Variants in KARS1 observed in about 807,000 individuals in gnomAD.
KARS1 encodes lysine--tRNA ligase.
Under a neutral mutation model 63.9 loss-of-function variants are expected in KARS1, and 50 were observed. The ratio of observed to expected loss-of-function variants is 0.78; its 90% CI spans 0.62 to 0.99. KARS1 has a LOEUF of 0.99. Among genes scored for constraint, KARS1 ranks in the 50% least tolerant of loss-of-function variants. KARS1 has a pLI of 0.00. For synonymous variants in KARS1, 320 were observed against 264.6 expected (o/e 1.21, Z -2.03); for missense variants, 816 against 754.5 (o/e 1.08, Z -0.95).
chr16:75,641,727 T>C lies in KARS1; in HGVS notation c.63-4A>G, dbSNP rs746115202. The C allele has an allele frequency of 6.2e-6, 10 of 1,613,642 alleles. No individual in the cohort carries two copies. Among genetic ancestry groups the C allele is most frequent in the East Asian group, 2.2e-5 (1 of 44,876 alleles). ...TTTCAGGCGTCTCTTCAGCTCACTG[T>C]TGGAAAGATGAAAGCGTTCAATGTG... On this transcript the variant is annotated splice_polypyrimidine_tract_variant and splice_region_variant and intron_variant, in intron 1 of 13. Transcript: ENST00000302445.
At chr16:75,628,084 C>T in intron 13 of KARS1, 91 bp from the exon 14 acceptor site, 1 of 806,326 alleles carries the variant, frequency 1.2e-6, no homozygotes, top group Admixed American at 1.7e-5. Flanking sequence ...TCTGTTGTTA[C>T]CACCAAAATC....
intron 1 of KARS1, among the ~76,000 whole-genome samples, chr16:75,645,115 T>TG (rs1041532222): frequency 2.6e-4 from 39 of 152,334 alleles, no homozygotes; most frequent in African/African-American, 8.4e-4. Context: ...CTTTTAAACT[T>TG]GGAGTCAATA....
intron 13 of KARS1, among the ~76,000 whole-genome samples, 153 bp from the exon 14 acceptor site, chr16:75,628,146 C>T (rs1002264554): frequency 3.3e-5 from 5 of 152,238 alleles, no homozygotes; most frequent in African/African-American, 1.2e-4. Context: ...TTTATTTCAA[C>T]TCAGACCCTC....
At chr16:75,642,554 C>T (rs1035142483) in intron 1 of KARS1, among the ~76,000 whole-genome samples, 21 of 152,088 alleles carry the variant, frequency 1.4e-4, no homozygotes, top group African/African-American at 4.6e-4. Context: ...CTGCTACCCC[C>T]TCTCTCTATC....
chr16:75,638,323 C>T (rs567657304), intron 3 of KARS1, among the ~76,000 whole-genome samples: 1 of 151,736 alleles, frequency 6.6e-6, no homozygotes, highest in Non-Finnish European at 1.5e-5. Context: ...ACCTATCAAC[C>T]TGTCATCTAG....
rs746483110 is a variant in KARS1, at chr16:75,628,576, T to G, written c.1688A>C (p.Asn563Thr). 6.2e-7 allele frequency: 1 copy of G among 1,613,840 alleles called. No individual in the cohort carries two copies. The highest frequency in any genetic ancestry group is 8.5e-7 in the Non-Finnish European group (1 of 1,179,974). ...RVAMFLTDSN[N>T]IKEVLLFPAM... is the part of the protein sequence containing the mutation. ...TGGAGGGTTGCTACGTACCTTGATG[T>G]TGTTGGAGTCCGTGAGAAACATGGC... Residue 563 changes from asparagine (N) to threonine (T), a missense_variant, in exon 13 of 14, where the codon AAC (asparagine) becomes ACC (threonine). Coordinates refer to ENST00000302445, the MANE Select transcript of KARS1 (RefSeq NM_005548.3).
intron 3 of KARS1, among the ~76,000 whole-genome samples, chr16:75,638,869 TTAAAA>T (rs1268131153): frequency 6.6e-6 from 1 of 151,892 alleles, no homozygotes; most frequent in Non-Finnish European, 1.5e-5. Flanking sequence ...AAACAAACAA[TTAAAA>T]TAAAAAAGAT....
chr16:75,634,159 C>G lies in KARS1; in HGVS notation c.915+14G>C, dbSNP rs753337428. 3.1e-6 allele frequency: 5 copies of G among 1,613,246 alleles called. No homozygotes were observed. The South Asian group carries it at 4.4e-5, about 14-fold the overall frequency. On this transcript the variant is annotated intron_variant, in intron 7 of 13. Transcript: ENST00000302445. ...TGCTTCTTTAAGGGAAAAGGGTGTA[C>G]TATTACTGACTACCTTATGATAGAG... is the stretch of plus-strand genomic sequence containing the variant.
chr16:75,647,124 C>G (rs891041634), intron 1 of KARS1, among the ~76,000 whole-genome samples: 2 of 152,186 alleles, frequency 1.3e-5, no homozygotes, highest in African/African-American at 4.8e-5. Flanking sequence ...CCTTTTAATA[C>G]ATAACGTTCA....
intron 2 of KARS1, 81 bp downstream of exon 2, chr16:75,641,483 T>C (rs893783737): frequency 1.1e-4 from 138 of 1,245,686 alleles, no homozygotes; most frequent in Non-Finnish European, 1.5e-4. Flanking sequence ...TCCCTCCTAC[T>C]GTCCAGTCCC....
intron 3 of KARS1, 157 bp downstream of exon 3, chr16:75,640,027 C>T: frequency 2.9e-6 from 2 of 681,064 alleles, no homozygotes; most frequent in Non-Finnish European, 5.3e-6. Flanking sequence ...GGCTGCTCTG[C>T]TTCTTTCTGT....
In KARS1 at chr16:75,641,598, C is replaced by T. The variant is rs2082224630; in HGVS notation, c.188G>A (p.Gly63Asp). 1.2e-6 allele frequency: 2 copies of T among 1,613,946 alleles called. No individual in the cohort carries two copies. Among genetic ancestry groups the T allele is most frequent in the African/African-American group, 1.3e-5 (1 of 74,928 alleles). Reference sequence around the variant, plus strand: ...CACGCTCTCTTCCTCAGGACCCACACCATTATCAGTGGTGTGGTTGGTGGC... The same window carrying T: ...CACGCTCTCTTCCTCAGGACCCACATCATTATCAGTGGTGTGGTTGGTGGC... Reference protein sequence around the residue: ...AAATNHTTDNGVGPEEESVDP... With the variant: ...AAATNHTTDNDVGPEEESVDP... The change falls in exon 2 of 14, where the codon GGT becomes GAT. Residue 63 changes from glycine (G) to aspartate (D), a missense_variant. Gly to Asp is a moderately conservative substitution (Grantham distance 94, BLOSUM62 -1). Coordinates refer to ENST00000302445, the MANE Select transcript of KARS1 (RefSeq NM_005548.3).
intron 1 of KARS1, among the ~76,000 whole-genome samples, chr16:75,643,250 G>A (rs1180290232): frequency 6.6e-6 from 1 of 152,112 alleles, no homozygotes; most frequent in Non-Finnish European, 1.5e-5. Context: ...CAAATATTCT[G>A]CAATAGTGAA....
intron 12 of KARS1, 68 bp from the exon 13 acceptor site, chr16:75,628,780 T>A: frequency 1.3e-6 from 2 of 1,553,412 alleles, no homozygotes; most frequent in East Asian, 2.2e-5. Context: ...GTGAACATGT[T>A]ACCAGGCTCC....
intron 1 of KARS1, among the ~76,000 whole-genome samples, chr16:75,645,584 C>T (rs1455065587): frequency 2.6e-5 from 4 of 152,148 alleles, no homozygotes; most frequent in Non-Finnish European, 4.4e-5. Flanking sequence ...TGGTGGCTCA[C>T]GCCTATAATC....
chr16:75,640,559 G>A (rs1391960066), intron 2 of KARS1, among the ~76,000 whole-genome samples: 1 of 152,178 alleles, frequency 6.6e-6, no homozygotes, highest in Non-Finnish European at 1.5e-5. Context: ...CAAAATGCAA[G>A]AGTCAACAAA....
chr16:75,628,370 C>T (rs1029133872), intron 13 of KARS1, among the ~76,000 whole-genome samples, 199 bp downstream of exon 13: 4 of 152,032 alleles, frequency 2.6e-5, no homozygotes, highest in Non-Finnish European at 5.9e-5. Flanking sequence ...AGTATTCCTT[C>T]TGCCCCTGGT....
chr16:75,636,487 T>C lies in KARS1; in HGVS notation c.449A>G (p.Glu150Gly). 1 of 1,613,414 alleles carries C rather than the reference T, an allele frequency of 6.2e-7. No homozygotes were observed. Among genetic ancestry groups the C allele is most frequent in the Non-Finnish European group, 8.5e-7 (1 of 1,179,474 alleles). ...GKLIFYDLRG[E>G]GVKLQVMANS... is the part of the protein sequence containing the mutation. Reference sequence around the variant, plus strand: ...GGCCATGACTTGCAACTTCACCCCCTCTCCTCGAAGATCATAGAAGATGAG... The same window carrying C: ...GGCCATGACTTGCAACTTCACCCCCCCTCCTCGAAGATCATAGAAGATGAG... The change falls in exon 4 of 14, where the codon GAG (glutamate) becomes GGG (glycine). Residue 150 changes from glutamate to glycine, a missense_variant. Glu to Gly is a moderately conservative substitution (Grantham distance 98). Coordinates refer to ENST00000302445, the MANE Select transcript of KARS1 (RefSeq NM_005548.3).
intron 1 of KARS1, 58 bp downstream of exon 1, chr16:75,647,520 G>A: frequency 1.3e-6 from 2 of 1,525,128 alleles, no homozygotes; most frequent in Non-Finnish European, 1.8e-6. Context: ...ACCTCGCGGC[G>A]CTTCCCAGCC....
Sources: allele counts gnomAD v4.1 joint callset (sites outside exome capture counted in the v4.1 genomes callset), GRCh38; gene constraint gnomAD v4.1.1; transcripts MANE v1.5; gene names NCBI Gene and HGNC (gene_info 2026-07-23, HGNC 2026-07-21).